The following CDH13 variants were observed in gnomAD, a reference collection of about 807,000 sequenced individuals.
The protein encoded by CDH13 is cadherin-13.
Under a neutral mutation model 63.8 loss-of-function variants are expected in CDH13, and 24 were observed. The ratio of observed to expected loss-of-function variants is 0.38; its 90% CI spans 0.27 to 0.53. The LOEUF (loss-of-function observed/expected upper bound fraction) is 0.53. Ranked by LOEUF, CDH13 falls within the 20% of genes least tolerant of loss-of-function variation. CDH13 has a pLI of 0.85. For missense variants in CDH13, 1,049 were observed against 903.1 expected, an observed-to-expected ratio of 1.16 and a Z score of -2.07; for synonymous variants, 503 against 355.3, an observed-to-expected ratio of 1.42 and a Z score of -4.67.
At chr16:82,668,023 C>T (rs560785604) in intron 1 of CDH13, among the ~76,000 whole-genome samples, 2 of 152,174 alleles carry the variant, frequency 1.3e-5, no homozygotes, top group Admixed American at 6.5e-5. Flanking sequence ...ACCAGGACTG[C>T]GCTCTGAATC....
chr16:83,750,259 G>A (rs907944671), intron 11 of CDH13, among the ~76,000 whole-genome samples: 1 of 152,048 alleles, frequency 6.6e-6, no homozygotes, highest in Non-Finnish European at 1.5e-5. Context: ...TTATGCCACT[G>A]CACTCCAGCC....
At position 83,649,930 on chromosome 16, in the gene CDH13, G is replaced by T. The variant is rs1598413490; in HGVS notation, c.1102-20860G>T. ...GTCCAAAGCCCACACTTTGCATAGG[G>T]AGGGGAAAATGGATGACATGCCATT... is the stretch of plus-strand genomic sequence containing the variant. On this transcript the variant is annotated intron_variant, in intron 8 of 13. Coordinates refer to ENST00000567109, the MANE Select transcript of CDH13 (RefSeq NM_001257.5). Among the ~76,000 whole-genome samples the T allele has an allele frequency of 6.6e-5, 10 of 152,330 alleles. 1 individual carries two copies. The South Asian group carries it at 2.1e-3, about 32-fold the overall frequency.
intron 5 of CDH13, among the ~76,000 whole-genome samples, chr16:83,284,601 C>G (rs2089262829): frequency 6.6e-6 from 1 of 152,036 alleles, no homozygotes; most frequent in Non-Finnish European, 1.5e-5. Flanking sequence ...GTGTCTGAGG[C>G]TGAGAACTTC....
intron 1 of CDH13, among the ~76,000 whole-genome samples, chr16:82,835,781 A>C (rs2038742376): frequency 6.6e-6 from 1 of 152,176 alleles, no homozygotes; most frequent in Admixed American, 6.5e-5. Context: ...ATCAATCCAT[A>C]TGCATGTTTG....
At chr16:83,459,399 G>A (rs1450981820) in intron 6 of CDH13, among the ~76,000 whole-genome samples, 2 of 152,186 alleles carry the variant, frequency 1.3e-5, no homozygotes, top group Admixed American at 1.3e-4. Flanking sequence ...CATGTTTCAT[G>A]AGCCTTAACC....
intron 6 of CDH13, among the ~76,000 whole-genome samples, chr16:83,461,249 T>G (rs556085178): frequency 7.2e-5 from 11 of 152,190 alleles, no homozygotes; most frequent in Non-Finnish European, 1.3e-4. Flanking sequence ...CCTATTTATA[T>G]ATAAAATATA....
chr16:83,318,203 T>C (rs954493008), intron 5 of CDH13, among the ~76,000 whole-genome samples: 1 of 152,172 alleles, frequency 6.6e-6, no homozygotes, highest in Admixed American at 6.5e-5. Context: ...AAAGACAAGA[T>C]TATGTAGGGC....
At chr16:83,787,905 T>G (rs1192411272) in intron 13 of CDH13, among the ~76,000 whole-genome samples, 1 of 152,174 alleles carries the variant, frequency 6.6e-6, no homozygotes, top group African/African-American at 2.4e-5. Flanking sequence ...ATCACACCAC[T>G]GCACTCCAGC....
intron 1 of CDH13, among the ~76,000 whole-genome samples, chr16:82,717,971 A>G (rs2032502815): frequency 6.6e-6 from 1 of 152,166 alleles, no homozygotes; most frequent in Non-Finnish European, 1.5e-5. Context: ...ACCCAATGAG[A>G]CCTGACCCAT....
intron 5 of CDH13, among the ~76,000 whole-genome samples, chr16:83,307,700 A>G (rs1449751451): frequency 6.6e-6 from 1 of 152,234 alleles, no homozygotes; most frequent in East Asian, 1.9e-4. Flanking sequence ...AAAGTATTTT[A>G]AAAGATAACA....
At chr16:82,872,190 C>T (rs900483483) in intron 2 of CDH13, among the ~76,000 whole-genome samples, 9 of 152,290 alleles carry the variant, frequency 5.9e-5, no homozygotes, top group South Asian at 2.1e-4. Flanking sequence ...ATTTTTAGAA[C>T]CCAGCATACA....
chr16:83,727,692 A>G (rs1910571968), intron 10 of CDH13, among the ~76,000 whole-genome samples: 1 of 152,154 alleles, frequency 6.6e-6, no homozygotes, highest in South Asian at 2.1e-4. Context: ...TCAAAGGCCA[A>G]AAAAGTCTTA....
At chr16:82,947,960 A>G (rs1197872329) in intron 2 of CDH13, among the ~76,000 whole-genome samples, 1 of 152,206 alleles carries the variant, frequency 6.6e-6, no homozygotes, top group Non-Finnish European at 1.5e-5. Context: ...CATTTATTGT[A>G]ATAGAAAGGA....
chr16:83,668,332 T>C (rs1166689982), intron 8 of CDH13, among the ~76,000 whole-genome samples: 1 of 152,230 alleles, frequency 6.6e-6, no homozygotes, highest in Non-Finnish European at 1.5e-5. Context: ...CAGGTGCACA[T>C]AGAGCCTCCA....
At chr16:82,871,230 T>C (rs1157328585) in intron 2 of CDH13, among the ~76,000 whole-genome samples, 2 of 152,216 alleles carry the variant, frequency 1.3e-5, no homozygotes, top group Admixed American at 6.5e-5. Context: ...GAATTGTTGA[T>C]ACAGGTAATG....
intron 4 of CDH13, among the ~76,000 whole-genome samples, chr16:83,153,514 C>A (rs1045787836): frequency 6.6e-6 from 1 of 152,148 alleles, no homozygotes; most frequent in African/African-American, 2.4e-5. Context: ...CGGGAAAGGG[C>A]TGTTATCACC....
chr16:83,229,982 G>A (rs1328722782), intron 5 of CDH13, among the ~76,000 whole-genome samples: 2 of 152,176 alleles, frequency 1.3e-5, no homozygotes, highest in Non-Finnish European at 2.9e-5. Context: ...ACAATAAGAT[G>A]CTGGGAGGAG....
chr16:83,535,276 C>A (rs1219762479), intron 7 of CDH13, among the ~76,000 whole-genome samples: 1 of 152,140 alleles, frequency 6.6e-6, no homozygotes, highest in African/African-American at 2.4e-5. Flanking sequence ...CTTTTATTGG[C>A]CAAATTAAGG....
intron 2 of CDH13, among the ~76,000 whole-genome samples, chr16:83,009,017 A>G (rs1039966210): frequency 6.6e-6 from 1 of 152,190 alleles, no homozygotes; most frequent in African/African-American, 2.4e-5. Context: ...GTGAGAACTC[A>G]CTATCATGAC....
Sources: gnomAD v4.1 joint callset for allele counts (sites outside exome capture counted in the v4.1 genomes callset) on GRCh38, gnomAD v4.1.1 for gene constraint, MANE v1.5 for transcripts, NCBI Gene and HGNC (gene_info 2026-07-23, HGNC 2026-07-21) for gene names.